The following GTF2H2C variants were observed in gnomAD, a reference collection of about 807,000 sequenced individuals.
GTF2H2C encodes GTF2H2 family member C, also known as general transcription factor IIH subunit 2-like protein.
In GTF2H2C, 5 loss-of-function variants were observed where a neutral mutation model predicts 24.8. The ratio of observed to expected loss-of-function variants is 0.20; its 90% CI spans 0.11 to 0.42. The LOEUF (loss-of-function observed/expected upper bound fraction) is 0.42. Among genes scored for constraint, GTF2H2C ranks in the 20% least tolerant of loss-of-function variants. GTF2H2C has a pLI of 1.00. For missense variants in GTF2H2C, 45 were observed against 169.8 expected, an observed-to-expected ratio of 0.27 and a Z score of 4.08; for synonymous variants, 14 against 52.6, an observed-to-expected ratio of 0.27 and a Z score of 3.18.
At chr5:69,566,932 A>G in intron 5 of GTF2H2C, 35 bp from the exon 6 acceptor site, 2 of 101,900 alleles carry the variant, frequency 2.0e-5, no homozygotes. Context: ...AAACAAAACA[A>G]GTACTTGAAA....
intron 2 of GTF2H2C, among the ~76,000 whole-genome samples, chr5:69,563,410 T>C (rs1321184822): frequency 2.0e-5 from 3 of 151,696 alleles, no homozygotes; most frequent in Admixed American, 6.6e-5. Flanking sequence ...AGACGGGTGT[T>C]GCCATGTTGG....
intron 9 of GTF2H2C, among the ~76,000 whole-genome samples, chr5:69,573,143 TATACACAC>T (rs1171113646): frequency 2.9e-4 from 27 of 92,082 alleles, no homozygotes; most frequent in African/African-American, 7.2e-4. Flanking sequence ...ATCTATTATA[TATACACAC>T]ACACACACAC....
rs1436775614 is a variant in GTF2H2C, at chr5:69,568,306, G to A, written c.364+99G>A. 2.2e-5 allele frequency: 8 copies of A among 371,910 alleles called. No individual in the cohort carries two copies. The East Asian group carries it at 4.4e-4, about 20-fold the overall frequency. 23.0% of individuals were successfully genotyped at this position (371,910 alleles called of 1,614,324 possible). On this transcript the variant is annotated intron_variant, in intron 8 of 16. Transcript: ENST00000380729. Reference sequence around the variant, plus strand: ...GGCTGCTTAATAAGTAACGTGAAGGGTGGTTCCTCTGTCTTCTCTAGGTGA... The same window carrying A: ...GGCTGCTTAATAAGTAACGTGAAGGATGGTTCCTCTGTCTTCTCTAGGTGA...
At position 69,563,828 on chromosome 5, in the gene GTF2H2C, A is replaced by G. The variant is rs530881789; in HGVS notation, c.-34+1058A>G. On this transcript the variant is annotated intron_variant, in intron 2 of 16. Transcript: ENST00000380729. ...TGCTGTTTTTTTTAGGCCAGAGTGC[A>G]GTGGCACGATCTCGGCTCACTGCAA... 8.5e-5 allele frequency among the ~76,000 whole-genome samples: 13 copies of G among 152,048 alleles called. No individual in the cohort carries two copies. The East Asian group carries it at 2.3e-3, about 27-fold the overall frequency.
intron 2 of GTF2H2C, among the ~76,000 whole-genome samples, chr5:69,564,175 G>T (rs573973456): frequency 7.9e-6 from 1 of 127,086 alleles, no homozygotes; most frequent in Admixed American, 8.3e-5. Flanking sequence ...TGTTTTTTTG[G>T]CTGCTAGTAT....
At chr5:69,561,380 C>T (rs1770327415) in intron 1 of GTF2H2C, among the ~76,000 whole-genome samples, 1 of 143,892 alleles carries the variant, frequency 6.9e-6, no homozygotes, top group Admixed American at 7.0e-5. Context: ...CTGGTGAAAC[C>T]CCGTCTCTAC....
chr5:69,560,865 C>T (rs1446585108), intron 1 of GTF2H2C, among the ~76,000 whole-genome samples: 12 of 152,094 alleles, frequency 7.9e-5, no homozygotes, highest in Non-Finnish European at 1.6e-4. Context: ...TCAAGCGATT[C>T]TCCTTCCTCA....
intron 5 of GTF2H2C, 148 bp from the exon 6 acceptor site, chr5:69,566,819 C>T: frequency 1.6e-5 from 3 of 183,108 alleles, no homozygotes; most frequent in South Asian, 9.1e-5. Context: ...CACAGTGGCT[C>T]ATGCCTATAA....
chr5:69,580,236 TA>T, intron 12 of GTF2H2C, among the ~76,000 whole-genome samples: 1 of 134,364 alleles, frequency 7.4e-6, no homozygotes, highest in East Asian at 2.3e-4. Context: ...CTACTAAAAA[TA>T]CAAAAAATTA....
chr5:69,591,478 A>G (rs1388292617), intron 16 of GTF2H2C, among the ~76,000 whole-genome samples: 3 of 150,170 alleles, frequency 2.0e-5, no homozygotes, highest in South Asian at 4.2e-4. Flanking sequence ...TTTTTTATTC[A>G]AAGCCAAATA....
intron 3 of GTF2H2C, 192 bp from the exon 4 acceptor site, chr5:69,565,939 A>G: frequency 1.3e-5 from 8 of 594,738 alleles, no homozygotes; most frequent in Non-Finnish European, 3.0e-6. Flanking sequence ...ATTCCCATCT[A>G]TGGTTATGCC....
intron 3 of GTF2H2C, chr5:69,565,582 A>G (rs1580620649): frequency 5.2e-6 from 1 of 190,992 alleles, no homozygotes; most frequent in East Asian, 1.5e-4. Flanking sequence ...GTCCCATAAT[A>G]TTATAATACT....
chr5:69,563,439 C>T (rs1177625521), intron 2 of GTF2H2C, among the ~76,000 whole-genome samples: 1 of 151,928 alleles, frequency 6.6e-6, no homozygotes, highest in Non-Finnish European at 1.5e-5. Flanking sequence ...GTCTCGAACT[C>T]CTGACCTCAG....
At chr5:69,562,275 G>A (rs1279159990) in intron 1 of GTF2H2C, among the ~76,000 whole-genome samples, 2 of 152,076 alleles carry the variant, frequency 1.3e-5, no homozygotes, top group African/African-American at 4.8e-5. Context: ...CCGAGATCGC[G>A]CCATTGCACT....
rs1372629655 is a variant in GTF2H2C, at chr5:69,594,576, G to A, written c.*2378G>A. The A allele has an allele frequency of 8.0e-6, 1 of 124,474 alleles. No individual in the cohort carries two copies. Among genetic ancestry groups the A allele is most frequent in the Non-Finnish European group, 1.7e-5 (1 of 57,524 alleles). The allele number at this position is 124,474 out of a possible 1,614,324, so 7.7% of individuals were successfully genotyped here. A position where few individuals can be genotyped will look rare whatever the true frequency, so the allele number is the denominator to read the frequency against. On this transcript the variant is annotated 3_prime_UTR_variant, in exon 17 of 17. Coordinates refer to ENST00000380729, the MANE Select transcript of GTF2H2C (RefSeq NM_001376000.2). ...AACAAATTTCACCTATAGGTAACCT[G>A]GTAACTGCTATTTTCTTCTGTGTGC... is the stretch of plus-strand genomic sequence containing the variant.
At chr5:69,591,471 T>A (rs1377702893) in intron 16 of GTF2H2C, among the ~76,000 whole-genome samples, 4 of 150,972 alleles carry the variant, frequency 2.6e-5, no homozygotes, top group Non-Finnish European at 5.9e-5. Flanking sequence ...TTTTTTTTTT[T>A]TTATTCAAAG....
intron 4 of GTF2H2C, 106 bp downstream of exon 4, chr5:69,566,314 A>G: frequency 2.0e-6 from 3 of 1,497,154 alleles, no homozygotes; most frequent in Non-Finnish European, 2.7e-6. Flanking sequence ...TTTCAGGGAA[A>G]CTGACCTATT....
chr5:69,563,482 G>A (rs955576034), intron 2 of GTF2H2C, among the ~76,000 whole-genome samples: 10 of 152,030 alleles, frequency 6.6e-5, no homozygotes, highest in African/African-American at 2.2e-4. Context: ...AAAAGTGCAG[G>A]GATTACAGGG....
intron 2 of GTF2H2C, among the ~76,000 whole-genome samples, chr5:69,563,187 T>A (rs1392635805): frequency 6.7e-6 from 1 of 149,626 alleles, no homozygotes; most frequent in Non-Finnish European, 1.5e-5. Context: ...ATTACAGATG[T>A]CAGCCATCAT....
Sources: gnomAD v4.1 joint callset for allele counts (sites outside exome capture counted in the v4.1 genomes callset) on GRCh38, gnomAD v4.1.1 for gene constraint, MANE v1.5 for transcripts, NCBI Gene and HGNC (gene_info 2026-07-23, HGNC 2026-07-21) for gene names.